The following RDH10 variants were observed in gnomAD, a reference collection of about 807,000 sequenced individuals.
RDH10 encodes the protein retinol dehydrogenase 10.
Under a neutral mutation model 30.2 loss-of-function variants are expected in RDH10, and 12 were observed. That is an observed-to-expected ratio of 0.40 (90% CI 0.25 to 0.64). The LOEUF (loss-of-function observed/expected upper bound fraction) is 0.64. Among genes scored for constraint, RDH10 ranks in the 30% least tolerant of loss-of-function variants. RDH10 has a pLI of 0.43. For missense variants in RDH10, 268 were observed against 445.2 expected, an observed-to-expected ratio of 0.60 and a Z score of 3.58; for synonymous variants, 189 against 172.2, an observed-to-expected ratio of 1.10 and a Z score of -0.76.
chr8:73,311,407 T>C (rs1456745791), intron 2 of RDH10: 1 of 152,244 alleles, frequency 6.6e-6, no homozygotes, highest in African/African-American at 2.4e-5. Flanking sequence ...TGCCTTGAGG[T>C]AAATTCATCC....
chr8:73,321,050 C>G lies in RDH10; in HGVS notation c.743C>G (p.Thr248Ser). The change falls in exon 4 of 6, where the codon ACT (threonine) becomes AGT (serine). Residue 248 changes from threonine to serine, a missense_variant. Thr to Ser is a moderately conservative substitution (Grantham distance 58). Coordinates refer to ENST00000240285, the MANE Select transcript of RDH10 (RefSeq NM_172037.5). The part of the protein sequence containing the change: ...TTLVCPYLVD[T>S]GMFRGCRIRK... ...TTGGTTTGCCCTTATCTTGTAGACA[C>G]TGGCATGTTCAGAGGCTGCCGAATC... The G allele has an allele frequency of 2.5e-6, 4 of 1,613,970 alleles. No individual in the cohort carries two copies. Among genetic ancestry groups the G allele is most frequent in the Non-Finnish European group, 3.4e-6 (4 of 1,179,864 alleles).
rs184442839 is a variant in RDH10, at chr8:73,322,860, A to G, written c.902+50A>G. 1.9e-6 allele frequency: 3 copies of G among 1,613,824 alleles called. No homozygotes were observed. The East Asian group carries it at 6.7e-5, about 36-fold the overall frequency. On this transcript the variant is annotated intron_variant, in intron 5 of 5. Transcript: ENST00000240285. ...GACTGGGTCTCTCCATGCCTGCCCGATGTCTTAATTGAAACTTCAAGTTTG... is the reference window on the plus strand; with the variant it reads ...GACTGGGTCTCTCCATGCCTGCCCGGTGTCTTAATTGAAACTTCAAGTTTG...
intron 2 of RDH10, among the ~76,000 whole-genome samples, chr8:73,316,729 A>C (rs1342239537): frequency 6.6e-6 from 1 of 152,162 alleles, no homozygotes; most frequent in Non-Finnish European, 1.5e-5. Context: ...CTTCTACTCC[A>C]TTTCTGGGGA....
chr8:73,311,639 T>A (rs1814564913), intron 2 of RDH10: 1 of 152,244 alleles, frequency 6.6e-6, no homozygotes, highest in South Asian at 2.1e-4. Context: ...AATACATGTT[T>A]TTAAAGGGAT....
Position 73,307,783 on chromosome 8 carries a change from C to T in RDH10, c.525+10354C>T, listed in dbSNP as rs541828914. Reference sequence around the variant, plus strand: ...CTATGAGTCACTTAGGAGTTTTGCCCTGTGGTGTAGTGTAAGAATTAATCT... The same window carrying T: ...CTATGAGTCACTTAGGAGTTTTGCCTTGTGGTGTAGTGTAAGAATTAATCT... On this transcript the variant is annotated intron_variant, in intron 2 of 5. Transcript: ENST00000240285. Among the ~76,000 whole-genome samples the T allele has an allele frequency of 2.6e-5, 4 of 152,298 alleles. No homozygotes were observed. In the South Asian group the frequency reaches 8.3e-4, roughly 32 times the overall value.
chr8:73,298,343 C>G (rs4326379), intron 2 of RDH10, among the ~76,000 whole-genome samples: 29,715 of 151,954 alleles, frequency 0.2, 2,968 homozygotes, highest in Middle Eastern at 0.23. Flanking sequence ...TAGAACACAA[C>G]AAAGAACTGT....
rs1459375886 is a variant in RDH10, at chr8:73,323,347, G to A, written c.*311G>A. On this transcript the variant is annotated 3_prime_UTR_variant, in exon 6 of 6. Transcript: ENST00000240285. ...TTTAATGAGCAGGAAGTCTAGAAAT[G>A]ATAACTAGACTGTATGTTTCATGTG... 1 of 250,840 alleles carries A rather than the reference G, an allele frequency of 4.0e-6. No individual in the cohort carries two copies. The highest frequency in any genetic ancestry group is 8.1e-6 in the Non-Finnish European group (1 of 124,042). The allele number at this position is 250,840 out of a possible 1,614,324, so 15.5% of individuals were successfully genotyped here. A position where few individuals can be genotyped will look rare whatever the true frequency, so the allele number is the denominator to read the frequency against.
At chr8:73,304,443 T>C (rs1252788093) in intron 2 of RDH10, among the ~76,000 whole-genome samples, 1 of 152,214 alleles carries the variant, frequency 6.6e-6, no homozygotes, top group Non-Finnish European at 1.5e-5. Flanking sequence ...TGTATTCGCT[T>C]TTGGCTTTCC....
intron 2 of RDH10, among the ~76,000 whole-genome samples, chr8:73,309,085 A>T (rs1047083585): frequency 1.4e-5 from 2 of 144,486 alleles, no homozygotes; most frequent in Non-Finnish European, 3.1e-5. Flanking sequence ...ACATACACAC[A>T]CTTTTTTTTT....
chr8:73,309,141 C>CA (rs1272752938), intron 2 of RDH10, among the ~76,000 whole-genome samples: 1 of 152,102 alleles, frequency 6.6e-6, no homozygotes, highest in Non-Finnish European at 1.5e-5. Context: ...AGGAAGATGT[C>CA]AGACCACGCA....
At chr8:73,315,483 AG>A (rs1165961642) in intron 2 of RDH10, 1 of 390,172 alleles carries the variant, frequency 2.6e-6, no homozygotes, top group Non-Finnish European at 5.3e-6. Context: ...CAAGAAGGGG[AG>A]GGGATATTAA....
intron 4 of RDH10, chr8:73,321,765 A>G: frequency 2.2e-6 from 1 of 453,774 alleles, no homozygotes; most frequent in Non-Finnish European, 4.4e-6. Flanking sequence ...GGTGAGTTTG[A>G]AAGGCAAAGG....
intron 2 of RDH10, chr8:73,311,972 C>G (rs1294044568): frequency 6.6e-6 from 1 of 151,932 alleles, no homozygotes; most frequent in Non-Finnish European, 1.5e-5. Flanking sequence ...GGTTTTACTT[C>G]CTAATTAAAT....
rs1814637932 is a variant in RDH10, at chr8:73,315,160, CCCCCCACCGGCCTCCTCTCTCTCTCTCT to C, written c.526-3930_526-3903del. 7.6e-5 allele frequency among the ~76,000 whole-genome samples: 9 copies of C among 118,256 alleles called. 1 individual carries two copies. Among genetic ancestry groups the C allele is most frequent in the Admixed American group, 1.7e-4 (2 of 12,006 alleles). 77.6% of individuals were successfully genotyped at this position (118,256 alleles called of 152,430 possible). A position where few individuals can be genotyped will look rare whatever the true frequency, so the allele number is the denominator to read the frequency against. On this transcript the variant is annotated intron_variant, in intron 2 of 5. Coordinates refer to ENST00000240285, the MANE Select transcript of RDH10 (RefSeq NM_172037.5). Reference sequence around the variant, plus strand: ...CCACCGGCCTCCTCTCTCTCTCTCTCCCCCCACCGGCCTCCTCTCTCTCTCTCTCCCCCCACCGGCCTCCTCTCTCTCT... The same window carrying C: ...CCACCGGCCTCCTCTCTCTCTCTCTCCCCCCCACCGGCCTCCTCTCTCTCT...
At chr8:73,315,463 C>G (rs1333439352) in intron 2 of RDH10, 4 of 349,050 alleles carry the variant, frequency 1.1e-5, no homozygotes, top group Admixed American at 5.9e-5. Context: ...CCACCAGATT[C>G]ATTTCAGGGC....
intron 2 of RDH10, among the ~76,000 whole-genome samples, chr8:73,309,086 C>CT (rs55908018): frequency 6.6e-6 from 1 of 151,686 alleles, no homozygotes; most frequent in Non-Finnish European, 1.5e-5. Flanking sequence ...CATACACACA[C>CT]TTTTTTTTTC....
chr8:73,306,053 G>T (rs997404748), intron 2 of RDH10, among the ~76,000 whole-genome samples: 4 of 152,228 alleles, frequency 2.6e-5, no homozygotes, highest in African/African-American at 9.6e-5. Flanking sequence ...TAACTCAGAA[G>T]ATGGGGGTTT....
chr8:73,305,847 A>G (rs186490670), intron 2 of RDH10, among the ~76,000 whole-genome samples: 1 of 152,292 alleles, frequency 6.6e-6, no homozygotes, highest in Admixed American at 6.5e-5. Flanking sequence ...ATAGAGAACT[A>G]TTTCCTGCCT....
chr8:73,306,116 G>A (rs938363394), intron 2 of RDH10, among the ~76,000 whole-genome samples: 4 of 152,178 alleles, frequency 2.6e-5, no homozygotes, highest in Non-Finnish European at 5.9e-5. Flanking sequence ...GCCTTCAGAA[G>A]GTTCCCTGTA....
Sources: allele counts gnomAD v4.1 joint callset (sites outside exome capture counted in the v4.1 genomes callset), GRCh38; gene constraint gnomAD v4.1.1; transcripts MANE v1.5; gene names NCBI Gene and HGNC (gene_info 2026-07-23, HGNC 2026-07-21).